SUPT3H: variants seen among roughly 807,000 people sequenced by gnomAD.
The protein encoded by SUPT3H is transcription initiation protein SPT3 homolog.
A neutral mutation model predicts 44.3 loss-of-function variants in SUPT3H; 44 were observed. The ratio of observed to expected loss-of-function variants is 0.99; its 90% CI spans 0.78 to 1.28. The LOEUF is 1.28. SUPT3H is among the 50% of genes most tolerant of loss of function. The pLI, the probability that SUPT3H is intolerant of heterozygous loss-of-function variation, is 0.00. For missense variants in SUPT3H, 380 were observed against 387.1 expected, an observed-to-expected ratio of 0.98 and a Z score of 0.15; for synonymous variants, 124 against 125.6, an observed-to-expected ratio of 0.99 and a Z score of 0.09.
chr6:45,332,652 C>T (rs1196217532), intron 2 of SUPT3H, among the ~76,000 whole-genome samples: 1 of 151,716 alleles, frequency 6.6e-6, no homozygotes, highest in Non-Finnish European at 1.5e-5. Flanking sequence ...AATCTTTAGA[C>T]ATTTTATATG....
At chr6:45,217,486 A>T (rs555229503) in intron 2 of SUPT3H, among the ~76,000 whole-genome samples, 5 of 152,118 alleles carry the variant, frequency 3.3e-5, no homozygotes, top group African/African-American at 9.6e-5. Context: ...AAAATAAAAT[A>T]AAATAAAATA....
At chr6:45,170,198 T>C (rs1055768278) in intron 2 of SUPT3H, among the ~76,000 whole-genome samples, 6 of 152,358 alleles carry the variant, frequency 3.9e-5, no homozygotes, top group African/African-American at 1.2e-4. Flanking sequence ...GTTACAGAGA[T>C]GTTATTATCG....
chr6:44,951,662 T>C (rs756393109), intron 9 of SUPT3H, among the ~76,000 whole-genome samples: 4 of 152,192 alleles, frequency 2.6e-5, no homozygotes, highest in Non-Finnish European at 5.9e-5. Flanking sequence ...TCCTCTCAAC[T>C]GCTGGGTAGC....
intron 2 of SUPT3H, among the ~76,000 whole-genome samples, chr6:45,231,514 T>G (rs887412936): frequency 2.0e-5 from 3 of 152,166 alleles, no homozygotes; most frequent in Non-Finnish European, 2.9e-5. Context: ...CTCTTACAAT[T>G]TTTAGGATTT....
chr6:44,814,674 T>G (rs1463484105), intron 11 of SUPT3H, among the ~76,000 whole-genome samples: 1 of 152,098 alleles, frequency 6.6e-6, no homozygotes, highest in Non-Finnish European at 1.5e-5. Flanking sequence ...CAAAATTTTA[T>G]TTTTACTGTT....
intron 11 of SUPT3H, among the ~76,000 whole-genome samples, chr6:44,819,907 T>A (rs1465411814): frequency 6.6e-6 from 1 of 152,080 alleles, no homozygotes. Context: ...AAAAAGAAAA[T>A]TTGAGCAAGT....
intron 2 of SUPT3H, among the ~76,000 whole-genome samples, chr6:45,325,288 G>A (rs573910762): frequency 2.6e-5 from 4 of 151,676 alleles, no homozygotes; most frequent in Non-Finnish European, 4.4e-5. Flanking sequence ...GCATAGAAAT[G>A]AGCACAATAT....
At chr6:45,122,427 T>A (rs1024505463) in intron 2 of SUPT3H, among the ~76,000 whole-genome samples, 1 of 152,190 alleles carries the variant, frequency 6.6e-6, no homozygotes, top group African/African-American at 2.4e-5. Context: ...AATTTCACAG[T>A]ACCTAAGGAT....
intron 3 of SUPT3H, among the ~76,000 whole-genome samples, chr6:45,047,067 TA>T (rs1480136645): frequency 1.3e-5 from 2 of 152,264 alleles, no homozygotes; most frequent in African/African-American, 4.8e-5. Flanking sequence ...TTGACCTTGC[TA>T]AATTCATTTA....
In SUPT3H at chr6:44,996,970, T is replaced by C. The variant is rs1181893921; in HGVS notation, c.504+6683A>G. Among the ~76,000 whole-genome samples, 5 of 151,754 alleles carry C rather than the reference T, an allele frequency of 3.3e-5. No individual in the cohort carries two copies. In the East Asian group the frequency reaches 9.6e-4, roughly 29 times the overall value. On this transcript the variant is annotated intron_variant, in intron 6 of 10. Transcript: ENST00000371459. ...TTCTTCTTTATATTTAATTGTATCA[T>C]TTATTCTCTTCACAGGAGTGCCTGT...
chr6:45,058,704 T>A (rs149858098), intron 3 of SUPT3H, among the ~76,000 whole-genome samples: 1 of 152,256 alleles, frequency 6.6e-6, no homozygotes, highest in Admixed American at 6.5e-5. Context: ...CTTTCCAGGT[T>A]CATTATGATT....
At chr6:45,177,481 T>C (rs1166047847) in intron 2 of SUPT3H, among the ~76,000 whole-genome samples, 1 of 152,156 alleles carries the variant, frequency 6.6e-6, no homozygotes, top group African/African-American at 2.4e-5. Context: ...TGGAACCAAG[T>C]TGGAAAACAC....
intron 10 of SUPT3H, among the ~76,000 whole-genome samples, chr6:44,888,496 T>C (rs1468787606): frequency 1.1e-4 from 16 of 152,142 alleles, no homozygotes; most frequent in East Asian, 3.9e-4. Context: ...AGCATATAAA[T>C]AGAACCAAAG....
At chr6:44,997,588 C>T (rs1781434129) in intron 6 of SUPT3H, among the ~76,000 whole-genome samples, 1 of 151,900 alleles carries the variant, frequency 6.6e-6, no homozygotes, top group Admixed American at 6.6e-5. Context: ...TCAAGGATTA[C>T]CAAAATTAAT....
intron 2 of SUPT3H, among the ~76,000 whole-genome samples, chr6:45,228,648 T>A (rs543900655): frequency 3.2e-4 from 48 of 152,036 alleles, no homozygotes; most frequent in Non-Finnish European, 5.7e-4. Context: ...AAAATAAAAA[T>A]AAAAAAAATT....
chr6:45,134,145 G>T (rs1173581599), intron 2 of SUPT3H, among the ~76,000 whole-genome samples: 1 of 152,170 alleles, frequency 6.6e-6, no homozygotes, highest in East Asian at 1.9e-4. Flanking sequence ...TTGGCATCTG[G>T]TAAGGGTTTT....
intron 1 of SUPT3H, among the ~76,000 whole-genome samples, chr6:45,366,916 A>T (rs1795232013): frequency 6.6e-6 from 1 of 152,096 alleles, no homozygotes; most frequent in Admixed American, 6.6e-5. Flanking sequence ...CATTCTCCAT[A>T]CTGCTGCCAA....
chr6:45,326,288 C>A (rs1288062572), intron 2 of SUPT3H, among the ~76,000 whole-genome samples: 1 of 151,808 alleles, frequency 6.6e-6, no homozygotes, highest in South Asian at 2.1e-4. Flanking sequence ...CAGCTACCTA[C>A]ATATTTTCAA....
intron 2 of SUPT3H, among the ~76,000 whole-genome samples, chr6:45,219,038 T>C (rs1765557838): frequency 6.6e-6 from 1 of 151,968 alleles, no homozygotes; most frequent in Non-Finnish European, 1.5e-5. Context: ...AAAGAAAGTC[T>C]AAAACTCATA....
Sources: allele counts gnomAD v4.1 joint callset (sites outside exome capture counted in the v4.1 genomes callset), GRCh38; gene constraint gnomAD v4.1.1; transcripts MANE v1.5; gene names NCBI Gene and HGNC (gene_info 2026-07-23, HGNC 2026-07-21).